The following FUCA1 variants were observed in gnomAD, a reference collection of about 807,000 sequenced individuals.
The protein encoded by FUCA1 is tissue alpha-L-fucosidase.
Under a neutral mutation model 56.8 loss-of-function variants are expected in FUCA1, and 52 were observed. That is an observed-to-expected ratio of 0.92 (90% CI 0.73 to 1.15). The LOEUF (loss-of-function observed/expected upper bound fraction) is 1.15, where lower values mean the gene tolerates loss of function less well. Ranked by LOEUF, FUCA1 falls within the 50% of genes most tolerant of loss-of-function variation. The pLI, the probability that FUCA1 is intolerant of heterozygous loss-of-function variation, is 0.00. For missense variants in FUCA1, 568 were observed against 592.6 expected, an observed-to-expected ratio of 0.96 and a Z score of 0.43; for synonymous variants, 230 against 226.6, an observed-to-expected ratio of 1.02 and a Z score of -0.14.
At chr1:23,851,383 CACATACATACATACAT>C (rs35768557) in intron 5 of FUCA1, among the ~76,000 whole-genome samples, 63 of 147,086 alleles carry the variant, frequency 4.3e-4, no homozygotes, top group Middle Eastern at 3.4e-3. Flanking sequence ...AATAAATATA[CACATACATACATACAT>C]ACATACATAC....
chr1:23,858,535 T>A (rs12755062), intron 4 of FUCA1, among the ~76,000 whole-genome samples: 40,379 of 152,130 alleles, frequency 0.27, 5,968 homozygotes, highest in Non-Finnish European at 0.34. Flanking sequence ...AAATACAAAC[T>A]GTAAATGGGC....
At position 23,867,858 on chromosome 1, in the gene FUCA1, C is replaced by G. The variant is rs1323755028; in HGVS notation, c.389+40G>C. 1 of 1,525,122 alleles carries G rather than the reference C, an allele frequency of 6.6e-7. No homozygotes were observed. Among genetic ancestry groups the G allele is most frequent in the African/African-American group, 1.4e-5 (1 of 71,796 alleles). The allele number at this position is 1,525,122 out of a possible 1,614,324, so 94.5% of individuals were successfully genotyped here. On this transcript the variant is annotated intron_variant, in intron 1 of 7. Coordinates refer to ENST00000374479, the MANE Select transcript of FUCA1 (RefSeq NM_000147.5). This position sits in a 1 kb window ranked among gnomAD's most constrained non-coding sequence, Gnocchi z 4.9. Reference sequence around the variant, plus strand: ...CCAGCCCCACCTCCTGTTTGCCGCCCGAGCCGGGAAGGGGCGCCGCTCCCC... The same window carrying G: ...CCAGCCCCACCTCCTGTTTGCCGCCGGAGCCGGGAAGGGGCGCCGCTCCCC...
intron 4 of FUCA1, 47 bp from the exon 5 acceptor site, chr1:23,854,607 C>T (rs1639353723): frequency 7.0e-7 from 1 of 1,426,160 alleles, no homozygotes; most frequent in Non-Finnish European, 9.9e-7. Flanking sequence ...AACCACTTGA[C>T]TTCTTTATGT....
At chr1:23,855,988 A>T (rs1639381513) in intron 4 of FUCA1, among the ~76,000 whole-genome samples, 1 of 152,192 alleles carries the variant, frequency 6.6e-6, no homozygotes, top group Non-Finnish European at 1.5e-5. Flanking sequence ...ATATGTGGAC[A>T]ATTACAATAT....
At chr1:23,847,647 C>A (rs1639170113) in intron 6 of FUCA1, among the ~76,000 whole-genome samples, 1 of 152,156 alleles carries the variant, frequency 6.6e-6, no homozygotes, top group Non-Finnish European at 1.5e-5. Flanking sequence ...GCAGGAAGGC[C>A]CTTACCAGAT....
intron 6 of FUCA1, 29 bp from the exon 7 acceptor site, chr1:23,846,202 G>T (rs776662435): frequency 1.5e-6 from 2 of 1,376,018 alleles, no homozygotes; most frequent in African/African-American, 1.4e-5. Flanking sequence ...CACTGTCAAA[G>T]ATACCTGACT....
At chr1:23,852,687 G>A (rs1386321494) in intron 5 of FUCA1, among the ~76,000 whole-genome samples, 5 of 152,068 alleles carry the variant, frequency 3.3e-5, no homozygotes, top group South Asian at 2.1e-4. Flanking sequence ...TGTGTTGGCC[G>A]GGCTGGTCTC....
chr1:23,850,424 T>C (rs1012421869), intron 5 of FUCA1, among the ~76,000 whole-genome samples: 2 of 152,064 alleles, frequency 1.3e-5, no homozygotes, highest in Non-Finnish European at 2.9e-5. Flanking sequence ...CTTTTTCCTA[T>C]GTAGTTAATT....
rs748235138 is a variant in FUCA1 at position 23,854,336 on chromosome 1, CAAAA to C, written c.969+20_969+23del. ...CATGTTAAAAAAAAAAAAACAAAAA[CAAAA>C]AACTCAAAGGTGCTCTTACCGAAAT... is the stretch of plus-strand genomic sequence containing the variant. On this transcript the variant is annotated intron_variant, in intron 5 of 7. Coordinates refer to ENST00000374479, the MANE Select transcript of FUCA1 (RefSeq NM_000147.5). 6.4e-7 allele frequency: 1 copy of C among 1,556,498 alleles called. No homozygotes were observed. Among genetic ancestry groups the C allele is most frequent in the South Asian group, 1.2e-5 (1 of 84,354 alleles).
At chr1:23,853,002 C>G (rs571013825) in intron 5 of FUCA1, among the ~76,000 whole-genome samples, 75 of 150,192 alleles carry the variant, frequency 5.0e-4, no homozygotes, top group African/African-American at 1.6e-3. Flanking sequence ...AGCGTCTCTG[C>G]CCGGCCGCCA....
chr1:23,854,489 T>C lies in FUCA1; in HGVS notation c.840A>G (p.Glu280=). ...GCAAGCTCTGTGGCTTGAATTTATC[T>C]TCACAGTTATAGTATCCTCCATGGT... The part of the protein sequence containing the change: ...SCHHGGYYNC[E]DKFKPQSLPD... Residue 280 remains glutamate, a synonymous_variant, in exon 5 of 8, where the codon GAA becomes GAG. Transcript: ENST00000374479. 6.2e-7 allele frequency: 1 copy of C among 1,614,118 alleles called. No individual in the cohort carries two copies. Among genetic ancestry groups the C allele is most frequent in the Non-Finnish European group, 8.5e-7 (1 of 1,179,962 alleles).
Position 23,854,329 on chromosome 1 carries a change from A to C in FUCA1, c.969+31T>G, listed in dbSNP as rs777049273. 3.3e-5 allele frequency: 51 copies of C among 1,563,996 alleles called. No homozygotes were observed. In the African/African-American group the frequency reaches 6.1e-4, roughly 19 times the overall value. On this transcript the variant is annotated intron_variant, in intron 5 of 7. Coordinates refer to ENST00000374479, the MANE Select transcript of FUCA1 (RefSeq NM_000147.5). ...CATACTGCATGTTAAAAAAAAAAAAACAAAAACAAAAAACTCAAAGGTGCT... is the reference window on the plus strand; with the variant it reads ...CATACTGCATGTTAAAAAAAAAAAACCAAAAACAAAAAACTCAAAGGTGCT...
At chr1:23,855,154 C>A (rs1298897368) in intron 4 of FUCA1, among the ~76,000 whole-genome samples, 3 of 151,520 alleles carry the variant, frequency 2.0e-5, no homozygotes, top group Non-Finnish European at 2.9e-5. Context: ...CAAGGTTTAG[C>A]TGAAGAATGA....
intron 3 of FUCA1, among the ~76,000 whole-genome samples, chr1:23,860,520 C>T (rs186299527): frequency 0.011 from 1,547 of 146,462 alleles, 37 homozygotes; most frequent in African/African-American, 0.038. Flanking sequence ...GGAGGCGGAG[C>T]TTGCAGTGAG....
chr1:23,848,579 G>C, intron 6 of FUCA1, 70 bp downstream of exon 6: 1 of 1,447,672 alleles, frequency 6.9e-7, no homozygotes, highest in East Asian at 2.3e-5. Context: ...TGACATTGTG[G>C]ACCCAAGGAG....
chr1:23,849,829 T>G (rs1421055507), intron 5 of FUCA1, among the ~76,000 whole-genome samples: 1 of 151,504 alleles, frequency 6.6e-6, no homozygotes, highest in Non-Finnish European at 1.5e-5. Context: ...GATCCACCTA[T>G]CTCAGCCTCC....
intron 3 of FUCA1, among the ~76,000 whole-genome samples, chr1:23,861,210 C>A (rs1639503831): frequency 6.6e-6 from 1 of 150,692 alleles, no homozygotes; most frequent in Non-Finnish European, 1.5e-5. Context: ...GTAGTCCCAG[C>A]TACTTGGGAG....
chr1:23,852,964 G>C (rs1639297804), intron 5 of FUCA1, among the ~76,000 whole-genome samples: 1 of 149,020 alleles, frequency 6.7e-6, no homozygotes. Flanking sequence ...GAGCCCCTCT[G>C]CCTGGCTACC....
chr1:23,863,289 A>G lies in FUCA1; in HGVS notation c.525-18T>C. 2 of 1,610,954 alleles carry G rather than the reference A, an allele frequency of 1.2e-6. No homozygotes were observed. Among genetic ancestry groups the G allele is most frequent in the Non-Finnish European group, 1.7e-6 (2 of 1,179,304 alleles). Reference sequence around the variant, plus strand: ...GGATGTTCCTTAAACAGAAAAACAGAACAGCAACTGTCATTAAGCATAGAA... The same window carrying G: ...GGATGTTCCTTAAACAGAAAAACAGGACAGCAACTGTCATTAAGCATAGAA... On this transcript the variant is annotated intron_variant, in intron 2 of 7. Transcript: ENST00000374479.
Sources: allele counts gnomAD v4.1 joint callset (sites outside exome capture counted in the v4.1 genomes callset), GRCh38; gene constraint gnomAD v4.1.1; non-coding constraint Gnocchi (gnomAD v3.1); transcripts MANE v1.5; gene names NCBI Gene and HGNC (gene_info 2026-07-23, HGNC 2026-07-21).